Variants in LGSN observed in about 807,000 individuals in gnomAD.
The protein encoded by LGSN is lengsin.
LGSN carries 21 observed loss-of-function variants against 19.5 expected under a neutral mutation model. The observed-to-expected ratio is 1.07, with a 90% confidence interval of 0.76 to 1.55. The LOEUF is 1.55. Ranked by LOEUF, LGSN falls within the 40% of genes most tolerant of loss-of-function variation. The pLI, the probability that LGSN is intolerant of heterozygous loss-of-function variation, is 0.00. For synonymous variants in LGSN, 257 were observed against 215.6 expected, an observed-to-expected ratio of 1.19 and a Z score of -1.68; for missense variants, 673 against 608.5, an observed-to-expected ratio of 1.11 and a Z score of -1.12.
At position 63,276,634 on chromosome 6, in the gene LGSN, A is replaced by T. The variant is rs1360072711; in HGVS notation, c.*3387T>A. 1.3e-5 allele frequency: 2 copies of T among 152,226 alleles called. No individual in the cohort carries two copies. Among genetic ancestry groups the T allele is most frequent in the African/African-American group, 2.4e-5 (1 of 41,454 alleles). The allele number at this position is 152,226 out of a possible 1,614,324, so 9.4% of individuals were successfully genotyped here. A position where few individuals can be genotyped will look rare whatever the true frequency, so the allele number is the denominator to read the frequency against. Reference sequence around the variant, plus strand: ...TTTTTCAGCATTAGGTCTACAAAAAAAATTATTTATGTTCTGCTTAAGATA... The same window carrying T: ...TTTTTCAGCATTAGGTCTACAAAAATAATTATTTATGTTCTGCTTAAGATA... On this transcript the variant is annotated 3_prime_UTR_variant, in exon 4 of 4. Transcript: ENST00000370657.
the LGSN span, among the ~76,000 whole-genome samples, chr6:63,363,842 C>G: frequency 1.9e-4 from 29 of 152,154 alleles, 1 homozygote; most frequent in Admixed American, 5.9e-4. Flanking sequence ...TCAGGAAATA[C>G]AGAGAATGCC....
intron 1 of LGSN, 126 bp downstream of exon 1, chr6:63,319,788 G>A: frequency 1.4e-6 from 1 of 708,350 alleles, no homozygotes; most frequent in Non-Finnish European, 2.5e-6. Context: ...AACTTCTCCT[G>A]AGTGGACATA....
At chr6:63,557,848 G>A in the LGSN span, among the ~76,000 whole-genome samples, 2 of 151,982 alleles carry the variant, frequency 1.3e-5, no homozygotes, top group African/African-American at 4.8e-5. Flanking sequence ...TGAGAAAGAG[G>A]ATAGCAAGAT....
the LGSN span, among the ~76,000 whole-genome samples, chr6:63,434,894 C>T: frequency 6.6e-6 from 1 of 152,160 alleles, no homozygotes; most frequent in Non-Finnish European, 1.5e-5. Context: ...ATATCAAGCA[C>T]CCTCTGGGTT....
the LGSN span, among the ~76,000 whole-genome samples, chr6:63,439,857 T>C: frequency 6.6e-6 from 1 of 152,214 alleles, no homozygotes; most frequent in African/African-American, 2.4e-5. Flanking sequence ...ATACACATAC[T>C]CCAATGTGGT....
At chr6:63,529,286 A>G in the LGSN span, among the ~76,000 whole-genome samples, 9 of 151,688 alleles carry the variant, frequency 5.9e-5, no homozygotes, top group African/African-American at 2.2e-4. Context: ...TCAGAAAAAT[A>G]ATACCTAGTC....
the LGSN span, among the ~76,000 whole-genome samples, chr6:63,335,295 A>T: frequency 6.6e-6 from 1 of 152,176 alleles, no homozygotes; most frequent in African/African-American, 2.4e-5. Flanking sequence ...AAGACTTACA[A>T]GTGAGACCTG....
the LGSN span, among the ~76,000 whole-genome samples, chr6:63,435,039 C>T: frequency 6.6e-6 from 1 of 152,166 alleles, no homozygotes; most frequent in African/African-American, 2.4e-5. Flanking sequence ...GGTTTCTCTG[C>T]TATCAGCAGC....
At chr6:63,488,064 C>G in the LGSN span, among the ~76,000 whole-genome samples, 4 of 151,970 alleles carry the variant, frequency 2.6e-5, no homozygotes, top group Admixed American at 6.6e-5. Context: ...GTGTGATCAG[C>G]TAACCAATAC....
intron 2 of LGSN, among the ~76,000 whole-genome samples, chr6:63,289,083 C>T (rs76753504): frequency 1.3e-5 from 2 of 152,104 alleles, no homozygotes; most frequent in African/African-American, 2.4e-5. Context: ...GCTCCTTGAG[C>T]GCCAAGGCTT....
intron 2 of LGSN, among the ~76,000 whole-genome samples, chr6:63,291,236 CA>C (rs1312053507): frequency 6.6e-6 from 1 of 152,162 alleles, no homozygotes; most frequent in Non-Finnish European, 1.5e-5. Flanking sequence ...TTAGTTTTGC[CA>C]TCCACGGACG....
chr6:63,399,145 AC>A, the LGSN span, among the ~76,000 whole-genome samples: 1 of 151,400 alleles, frequency 6.6e-6, no homozygotes, highest in East Asian at 1.9e-4. Flanking sequence ...TTTTTACTGT[AC>A]CTCTTCTATG....
the LGSN span, among the ~76,000 whole-genome samples, chr6:63,505,779 C>A: frequency 8.8e-4 from 134 of 152,212 alleles, no homozygotes; most frequent in African/African-American, 3.0e-3. Flanking sequence ...TCTGCCTCAA[C>A]CTCCCAAGTA....
the LGSN span, among the ~76,000 whole-genome samples, chr6:63,468,275 C>G: frequency 6.6e-6 from 1 of 151,518 alleles, no homozygotes; most frequent in Non-Finnish European, 1.5e-5. Flanking sequence ...TTACAGGCCC[C>G]CACCACCACA....
the LGSN span, among the ~76,000 whole-genome samples, chr6:63,534,724 G>T: frequency 3.3e-5 from 5 of 149,482 alleles, no homozygotes; most frequent in East Asian, 9.8e-4. Context: ...GAGGCAGGTG[G>T]ATCACCTGAG....
At chr6:63,528,344 C>T in the LGSN span, among the ~76,000 whole-genome samples, 2 of 152,042 alleles carry the variant, frequency 1.3e-5, no homozygotes, top group Non-Finnish European at 1.5e-5. Context: ...ACCTGCAGTC[C>T]CAGCTACTCT....
the LGSN span, among the ~76,000 whole-genome samples, chr6:63,484,240 C>T: frequency 1.3e-5 from 2 of 152,152 alleles, no homozygotes; most frequent in African/African-American, 2.4e-5. Flanking sequence ...CAATGGCTCA[C>T]GCCTGTAATC....
At chr6:63,414,623 C>T in the LGSN span, among the ~76,000 whole-genome samples, 1 of 152,234 alleles carries the variant, frequency 6.6e-6, no homozygotes, top group African/African-American at 2.4e-5. Flanking sequence ...CTTAATAAAG[C>T]TTTAAAAAAA....
intron 2 of LGSN, chr6:63,293,810 G>T (rs571770261): frequency 6.6e-5 from 30 of 455,864 alleles, no homozygotes; most frequent in African/African-American, 5.2e-4. Flanking sequence ...TGATAGGTTT[G>T]CTTGTGTTCC....
Sources: gnomAD v4.1 joint callset for allele counts (sites outside exome capture counted in the v4.1 genomes callset) on GRCh38, gnomAD v4.1.1 for gene constraint, MANE v1.5 for transcripts, NCBI Gene and HGNC (gene_info 2026-07-23, HGNC 2026-07-21) for gene names.